The following GFRA1 variants were observed in gnomAD, a reference collection of about 807,000 sequenced individuals.
GFRA1 encodes the protein GDNF family receptor alpha-1.
A neutral mutation model predicts 51.6 loss-of-function variants in GFRA1; 16 were observed. The ratio of observed to expected loss-of-function variants is 0.31; its 90% CI spans 0.21 to 0.47. The LOEUF (loss-of-function observed/expected upper bound fraction) is 0.47. Ranked by LOEUF, GFRA1 falls within the 20% of genes least tolerant of loss-of-function variation. The probability of loss-of-function intolerance (pLI) is 1.00; values close to 1 mark genes in which losing one functional copy is unlikely to be tolerated. For missense variants in GFRA1, 530 were observed against 594.3 expected, an observed-to-expected ratio of 0.89 and a Z score of 1.13; for synonymous variants, 270 against 241.3, an observed-to-expected ratio of 1.12 and a Z score of -1.10.
Position 116,071,927 on chromosome 10 carries a change from C to A in GFRA1, c.1198-6301G>T, listed in dbSNP as rs1414014128. On this transcript the variant is annotated intron_variant, in intron 9 of 10. Transcript: ENST00000355422. The stretch of plus-strand genomic sequence containing the variant: ...TTTTGCATAAGCCACGCCTATAATT[C>A]CTGGTCTACAGTTCCTGGTTTCAGT... Among the ~76,000 whole-genome samples, 8 of 151,978 alleles carry A rather than the reference C, an allele frequency of 5.3e-5. No homozygotes were observed. In the East Asian group the frequency reaches 1.4e-3, roughly 26 times the overall value.
chr10:116,205,019 A>G (rs992757272), intron 5 of GFRA1, among the ~76,000 whole-genome samples: 3 of 152,234 alleles, frequency 2.0e-5, no homozygotes, highest in Non-Finnish European at 4.4e-5. Context: ...TCACATTGAT[A>G]GAATGTGCCC....
At chr10:116,238,316 T>C (rs566700995) in intron 4 of GFRA1, among the ~76,000 whole-genome samples, 1 of 152,308 alleles carries the variant, frequency 6.6e-6, no homozygotes, top group Admixed American at 6.5e-5. Flanking sequence ...AGAAAGGTTT[T>C]ACTTCATCTG....
At chr10:116,116,157 C>T (rs1482406009) in intron 6 of GFRA1, among the ~76,000 whole-genome samples, 2 of 152,056 alleles carry the variant, frequency 1.3e-5, no homozygotes, top group African/African-American at 4.8e-5. Context: ...GGCAATGGTG[C>T]GATCTCCACT....
chr10:116,243,494 C>T (rs953181691), intron 4 of GFRA1, among the ~76,000 whole-genome samples: 1 of 136,760 alleles, frequency 7.3e-6, no homozygotes, highest in Admixed American at 7.4e-5. Flanking sequence ...CCCTGCCCCC[C>T]AAAAAAGAGA....
intron 4 of GFRA1, among the ~76,000 whole-genome samples, chr10:116,256,715 G>A (rs1308909359): frequency 6.6e-6 from 1 of 152,238 alleles, no homozygotes; most frequent in African/African-American, 2.4e-5. Context: ...CTTACGAAAT[G>A]TTCTGAATCG....
At chr10:116,064,979 G>T (rs1589758142) in intron 10 of GFRA1, among the ~76,000 whole-genome samples, 1 of 152,098 alleles carries the variant, frequency 6.6e-6, no homozygotes, top group Non-Finnish European at 1.5e-5. Flanking sequence ...GCAAGAGCTT[G>T]CCCTGCTTGT....
At chr10:116,108,525 C>T (rs759147257) in intron 6 of GFRA1, among the ~76,000 whole-genome samples, 1 of 151,346 alleles carries the variant, frequency 6.6e-6, no homozygotes, top group Admixed American at 6.6e-5. Context: ...GCTCTTAGTG[C>T]TGCATTTAAT....
In GFRA1 at chr10:116,272,147, A is replaced by G; in HGVS notation, c.-118T>C. ...GACAGCTGTGCTGCTCTGGCCGCCC[A>G]AAGTTCAGCTCCATCCAGTGAAAGA... On this transcript the variant is annotated 5_prime_UTR_variant, in exon 2 of 11. Coordinates refer to ENST00000355422, the MANE Select transcript of GFRA1 (RefSeq NM_005264.8). This position sits in a 1 kb window ranked among gnomAD's most constrained non-coding sequence, Gnocchi z 4.4. 2 of 898,140 alleles carry G rather than the reference A, an allele frequency of 2.2e-6. No individual in the cohort carries two copies. Among genetic ancestry groups the G allele is most frequent in the South Asian group, 1.4e-5 (1 of 70,796 alleles). The allele number at this position is 898,140 out of a possible 1,614,324, so 55.6% of individuals were successfully genotyped here.
intron 5 of GFRA1, among the ~76,000 whole-genome samples, chr10:116,175,131 C>A (rs375034374): frequency 6.6e-6 from 1 of 152,176 alleles, no homozygotes; most frequent in Admixed American, 6.5e-5. Context: ...TAAGCTTCAC[C>A]TGGGCACATC....
At chr10:116,125,150 T>C in intron 6 of GFRA1, 71 bp downstream of exon 6, 2 of 1,335,650 alleles carry the variant, frequency 1.5e-6, no homozygotes, top group Non-Finnish European at 2.2e-6. Flanking sequence ...AAAAGGGAGC[T>C]TGGCAGCCGA....
intron 4 of GFRA1, among the ~76,000 whole-genome samples, chr10:116,213,208 C>T (rs1015002361): frequency 2.0e-5 from 3 of 152,160 alleles, no homozygotes; most frequent in African/African-American, 7.2e-5. Context: ...GAAATCTACA[C>T]GAATGTTCAT....
At chr10:116,085,911 C>A (rs547943112) in intron 9 of GFRA1, among the ~76,000 whole-genome samples, 1 of 152,182 alleles carries the variant, frequency 6.6e-6, no homozygotes, top group Admixed American at 6.5e-5. Flanking sequence ...CTAAGACATG[C>A]GGCTCTCTCA....
intron 4 of GFRA1, among the ~76,000 whole-genome samples, chr10:116,217,945 A>C (rs1965671109): frequency 6.6e-6 from 1 of 152,172 alleles, no homozygotes; most frequent in Non-Finnish European, 1.5e-5. Context: ...ATAGGACTGT[A>C]AAGGAATCAT....
chr10:116,188,832 A>G (rs1299584333), intron 5 of GFRA1, among the ~76,000 whole-genome samples: 1 of 151,584 alleles, frequency 6.6e-6, no homozygotes, highest in Non-Finnish European at 1.5e-5. Context: ...CCTGGGAGGC[A>G]GAGGTTGCCG....
intron 5 of GFRA1, among the ~76,000 whole-genome samples, chr10:116,207,663 G>A (rs536356179): frequency 3.2e-4 from 49 of 152,242 alleles, no homozygotes; most frequent in African/African-American, 1.2e-3. Context: ...ACACATGTAC[G>A]TATGTATTGC....
chr10:116,223,086 G>A (rs11197592), intron 4 of GFRA1, among the ~76,000 whole-genome samples: 9,377 of 152,068 alleles, frequency 0.062, 932 homozygotes, highest in African/African-American at 0.21. Flanking sequence ...GGATACTGAG[G>A]AATGACTATA....
chr10:116,140,872 T>C (rs1450312902), intron 5 of GFRA1, among the ~76,000 whole-genome samples: 2 of 152,180 alleles, frequency 1.3e-5, no homozygotes, highest in Admixed American at 1.3e-4. Context: ...AGCTGAACAC[T>C]GCAGAGGGGG....
chr10:116,148,935 TAAAGA>T (rs1958948676), intron 5 of GFRA1, among the ~76,000 whole-genome samples: 1 of 152,184 alleles, frequency 6.6e-6, no homozygotes, highest in Non-Finnish European at 1.5e-5. Flanking sequence ...CCTTATTTTT[TAAAGA>T]AAAGAAATTG....
intron 5 of GFRA1, among the ~76,000 whole-genome samples, chr10:116,188,976 C>T (rs1022583333): frequency 6.6e-6 from 1 of 150,398 alleles, no homozygotes; most frequent in African/African-American, 2.4e-5. Context: ...AGGGTGGGGG[C>T]AGGCATGGTG....
Sources: allele counts gnomAD v4.1 joint callset (sites outside exome capture counted in the v4.1 genomes callset), GRCh38; gene constraint gnomAD v4.1.1; non-coding constraint Gnocchi (gnomAD v3.1); transcripts MANE v1.5; gene names NCBI Gene and HGNC (gene_info 2026-07-23, HGNC 2026-07-21).